Variants in IQUB observed in about 807,000 individuals in gnomAD.
IQUB encodes the protein IQ motif and ubiquitin-like domain-containing protein.
IQUB carries 86 observed loss-of-function variants against 86.4 expected under a neutral mutation model. The ratio of observed to expected loss-of-function variants is 1.00; its 90% CI spans 0.84 to 1.19. The LOEUF (loss-of-function observed/expected upper bound fraction) is 1.19, where lower values mean the gene tolerates loss of function less well. Ranked by LOEUF, IQUB falls within the 50% of genes most tolerant of loss-of-function variation. The pLI, the probability that IQUB is intolerant of heterozygous loss-of-function variation, is 0.00. For missense variants in IQUB, 946 were observed against 916.9 expected, an observed-to-expected ratio of 1.03 and a Z score of -0.41; for synonymous variants, 289 against 304.5, an observed-to-expected ratio of 0.95 and a Z score of 0.53.
At chr7:123,529,909 T>C (rs563962006) in intron 1 of IQUB, among the ~76,000 whole-genome samples, 9 of 152,090 alleles carry the variant, frequency 5.9e-5, no homozygotes, top group Non-Finnish European at 1.2e-4. Flanking sequence ...GGCATGTGCC[T>C]GTAATCCCAG....
chr7:123,505,913 T>C (rs912096521), intron 3 of IQUB, among the ~76,000 whole-genome samples: 6 of 152,254 alleles, frequency 3.9e-5, no homozygotes, highest in Non-Finnish European at 7.3e-5. Context: ...TTTTTAAATA[T>C]ACGTTCCAGT....
At chr7:123,522,260 T>G (rs191577504) in intron 1 of IQUB, among the ~76,000 whole-genome samples, 3 of 152,334 alleles carry the variant, frequency 2.0e-5, no homozygotes, top group Admixed American at 6.5e-5. Context: ...TTTCCCCTGT[T>G]GGACTGGGTG....
intron 9 of IQUB, among the ~76,000 whole-genome samples, chr7:123,468,891 T>C (rs893693265): frequency 1.3e-5 from 2 of 152,234 alleles, no homozygotes; most frequent in Non-Finnish European, 2.9e-5. Context: ...TGGTGCTGCT[T>C]TAAAACTGCT....
intron 1 of IQUB, among the ~76,000 whole-genome samples, chr7:123,530,006 C>A (rs966994920): frequency 4.6e-5 from 7 of 151,994 alleles, no homozygotes. Flanking sequence ...GCACTCCAGC[C>A]TGGCGACAGA....
At chr7:123,473,671 G>A (rs1794632476) in intron 8 of IQUB, among the ~76,000 whole-genome samples, 1 of 151,462 alleles carries the variant, frequency 6.6e-6, no homozygotes, top group Admixed American at 6.6e-5. Flanking sequence ...CACCTCCCGG[G>A]TTCAAGTGAT....
At position 123,479,935 on chromosome 7, in the gene IQUB, A is replaced by C. The variant is rs1794925669; in HGVS notation, c.1270T>G (p.Ser424Ala). Residue 424 changes from serine to alanine, a missense_variant, in exon 8 of 13, where the codon TCT becomes GCT. Coordinates refer to ENST00000324698, the MANE Select transcript of IQUB (RefSeq NM_178827.5). ...GCTTTCCTTTCAGCTCCAGTAAAAGATTGGTTAATACGTGTAAGTTCTTCT... is the reference window on the plus strand; with the variant it reads ...GCTTTCCTTTCAGCTCCAGTAAAAGCTTGGTTAATACGTGTAAGTTCTTCT... ...RQEELTRINQSFTGAERKAAL... is the reference protein window; with the variant it reads ...RQEELTRINQAFTGAERKAAL... The C allele has an allele frequency of 6.2e-7, 1 of 1,612,614 alleles. No individual in the cohort carries two copies. The highest frequency in any genetic ancestry group is 1.7e-5 in the Admixed American group (1 of 59,752).
Position 123,512,171 on chromosome 7 carries a change from G to A in IQUB, c.170C>T (p.Ala57Val). The change falls in exon 2 of 13, where the codon GCA becomes GTA. Residue 57 changes from alanine to valine, a missense_variant. By Grantham distance (64) the Ala-to-Val change is moderately conservative. Transcript: ENST00000324698. ...GTCACTCTGCTCCTCAACATGTATT[G>A]CATGGCTCTCACTGAATTGTTCTAT... Reference protein sequence around the residue: ...SGIEQFSESHAIHVEEQSDQS... With the variant: ...SGIEQFSESHVIHVEEQSDQS... 1 of 1,613,926 alleles carries A rather than the reference G, an allele frequency of 6.2e-7. No homozygotes were observed. The highest frequency in any genetic ancestry group is 1.3e-5 in the African/African-American group (1 of 75,014).
chr7:123,458,325 T>C (rs938017128), intron 11 of IQUB, among the ~76,000 whole-genome samples: 15 of 151,890 alleles, frequency 9.9e-5, no homozygotes, highest in African/African-American at 3.1e-4. Flanking sequence ...AAAAAGAATA[T>C]TTTTTAAAAA....
intron 3 of IQUB, among the ~76,000 whole-genome samples, chr7:123,508,018 T>C (rs978299622): frequency 6.6e-6 from 1 of 152,198 alleles, no homozygotes; most frequent in Non-Finnish European, 1.5e-5. Flanking sequence ...TTGAGAATTT[T>C]GAGTTGGAAA....
chr7:123,458,002 C>A, intron 11 of IQUB: 1 of 162,150 alleles, frequency 6.2e-6, no homozygotes, highest in Non-Finnish European at 1.3e-5. Flanking sequence ...ATATGGAACA[C>A]TTCACAAGTT....
intron 11 of IQUB, chr7:123,459,769 A>G (rs910483032): frequency 1.3e-5 from 2 of 151,998 alleles, no homozygotes; most frequent in African/African-American, 4.8e-5. Context: ...TAGTACATCT[A>G]AGATTCTCTA....
chr7:123,479,435 T>A (rs895338008), intron 8 of IQUB, among the ~76,000 whole-genome samples: 2 of 152,160 alleles, frequency 1.3e-5, no homozygotes, highest in African/African-American at 2.4e-5. Context: ...CAGACCTAGA[T>A]GTTTCCTGAC....
intron 7 of IQUB, among the ~76,000 whole-genome samples, chr7:123,480,270 C>A (rs1041606921): frequency 2.2e-4 from 33 of 152,120 alleles, no homozygotes; most frequent in African/African-American, 7.5e-4. Flanking sequence ...CACTTTGTGG[C>A]AGCCATGAGC....
chr7:123,503,490 T>C, intron 3 of IQUB, 127 bp from the exon 4 acceptor site: 1 of 580,294 alleles, frequency 1.7e-6, no homozygotes, highest in South Asian at 2.4e-5. Flanking sequence ...TTGAACTATG[T>C]ATACATTGTG....
At chr7:123,515,675 T>C (rs1346407134) in intron 1 of IQUB, among the ~76,000 whole-genome samples, 5 of 152,168 alleles carry the variant, frequency 3.3e-5, no homozygotes, top group Non-Finnish European at 7.4e-5. Flanking sequence ...ATTATAAAAA[T>C]GGAATTTCAA....
At chr7:123,485,373 T>C (rs1365628030) in intron 7 of IQUB, among the ~76,000 whole-genome samples, 2 of 152,118 alleles carry the variant, frequency 1.3e-5, no homozygotes, top group Non-Finnish European at 1.5e-5. Context: ...CCTCATTTTT[T>C]CTTAATTATC....
chr7:123,508,836 T>C (rs1429169215), intron 3 of IQUB, among the ~76,000 whole-genome samples: 1 of 152,212 alleles, frequency 6.6e-6, no homozygotes, highest in Non-Finnish European at 1.5e-5. Context: ...AAAGAGTTAC[T>C]AGTAATTCCT....
chr7:123,491,008 A>G (rs968928781), intron 7 of IQUB, among the ~76,000 whole-genome samples: 1 of 151,968 alleles, frequency 6.6e-6, no homozygotes, highest in Non-Finnish European at 1.5e-5. Context: ...CAAACCTCAA[A>G]TTATACAAAA....
chr7:123,506,067 A>T (rs1796163785), intron 3 of IQUB, among the ~76,000 whole-genome samples: 1 of 152,196 alleles, frequency 6.6e-6, no homozygotes, highest in African/African-American at 2.4e-5. Flanking sequence ...ACAGATCCCT[A>T]GAGCAAGGAC....
Sources: allele counts gnomAD v4.1 joint callset (sites outside exome capture counted in the v4.1 genomes callset), GRCh38; gene constraint gnomAD v4.1.1; transcripts MANE v1.5; gene names NCBI Gene and HGNC (gene_info 2026-07-23, HGNC 2026-07-21).